Variants in TOR1A observed in about 807,000 individuals in gnomAD.
TOR1A encodes the protein torsin family 1 member A.
A neutral mutation model predicts 31.4 loss-of-function variants in TOR1A; 18 were observed. That is an observed-to-expected ratio of 0.57 (90% CI 0.40 to 0.85). The LOEUF (loss-of-function observed/expected upper bound fraction) is 0.85, where lower values mean the gene tolerates loss of function less well. Among genes scored for constraint, TOR1A ranks in the 40% least tolerant of loss-of-function variants. TOR1A has a pLI of 0.00. For synonymous variants in TOR1A, 168 were observed against 165.9 expected (o/e 1.01, Z -0.10); for missense variants, 375 against 416.4 (o/e 0.90, Z 0.87).
chr9:129,816,924 A>G (rs2031055320), intron 4 of TOR1A, among the ~76,000 whole-genome samples: 1 of 152,178 alleles, frequency 6.6e-6, no homozygotes, highest in South Asian at 2.1e-4. Context: ...TCTGTTTCAA[A>G]TGAGCCCTTC....
At chr9:129,818,279 G>A (rs1018478520) in intron 4 of TOR1A, 28 of 580,924 alleles carry the variant, frequency 4.8e-5, no homozygotes, top group Non-Finnish European at 7.8e-5. Context: ...CTCCAGCCTA[G>A]GTGACAGAGT....
chr9:129,818,665 T>G lies in TOR1A; in HGVS notation c.621-18A>C. 6.2e-7 allele frequency: 1 copy of G among 1,614,196 alleles called. No homozygotes were observed. Among genetic ancestry groups the G allele is most frequent in the Non-Finnish European group, 8.5e-7 (1 of 1,180,032 alleles). The stretch of plus-strand genomic sequence containing the variant: ...CAGCATTGCTGCAAAACAATCCCAG[T>G]GGGTAAGGACAGGGTTTTCTCCTGG... On this transcript the variant is annotated intron_variant, in intron 3 of 4. Transcript: ENST00000351698.
rs755593280 is a variant in TOR1A at position 129,822,694 on chromosome 9, C to G, written c.331G>C (p.Val111Leu). The G allele has an allele frequency of 3.5e-5, 57 of 1,614,056 alleles. No individual in the cohort carries two copies. Among genetic ancestry groups the G allele is most frequent in the Middle Eastern group, 3.3e-4 (2 of 6,084 alleles). The change falls in exon 2 of 5, where the codon GTC becomes CTC. Residue 111 changes from valine to leucine, a missense_variant. Transcript: ENST00000351698. ...HGWTGTGKNF[V>L]SKIIAENIYE... ...ATATTCTCTGCGATGATCTTGCTGA[C>G]GAAATTTTTGCCGGTGCCTGTCCAC...
chr9:129,816,361 C>A (rs1233765285), intron 4 of TOR1A, among the ~76,000 whole-genome samples: 1 of 152,154 alleles, frequency 6.6e-6, no homozygotes, highest in Non-Finnish European at 1.5e-5. Context: ...CCCCTACTGG[C>A]CCCGGGGGGA....
intron 2 of TOR1A, 151 bp downstream of exon 2, chr9:129,822,430 C>A (rs2031206402): frequency 8.7e-7 from 1 of 1,152,632 alleles, no homozygotes; most frequent in Non-Finnish European, 1.3e-6. Flanking sequence ...ATCTCAAACT[C>A]TTAACTTCTA....
At chr9:129,820,153 G>A (rs1321754257) in intron 2 of TOR1A, among the ~76,000 whole-genome samples, 1 of 149,180 alleles carries the variant, frequency 6.7e-6, no homozygotes, top group Non-Finnish European at 1.5e-5. Context: ...TGACAGTCTC[G>A]CTCTGTTACC....
rs764667911 is a variant in TOR1A at position 129,824,120 on chromosome 9, C to T, written c.-35G>A. 1.9e-6 allele frequency: 3 copies of T among 1,540,672 alleles called. No homozygotes were observed. Among genetic ancestry groups the T allele is most frequent in the South Asian group, 2.4e-5 (2 of 84,496 alleles). ...CGCGCCACCCTGCTTGTTCTCGCGC[C>T]GACCGCGAACCGGTGCAGCCGCCAG... is the stretch of plus-strand genomic sequence containing the variant. On this transcript the variant is annotated 5_prime_UTR_variant, in exon 1 of 5. Transcript: ENST00000351698.
intron 4 of TOR1A, chr9:129,818,207 G>T: frequency 2.5e-6 from 1 of 407,414 alleles, no homozygotes; most frequent in Middle Eastern, 8.1e-4. Context: ...GGAGGCTGAG[G>T]CACAAGAATC....
At chr9:129,819,009 T>C in intron 2 of TOR1A, 89 bp from the exon 3 acceptor site, 1 of 1,443,108 alleles carries the variant, frequency 6.9e-7, no homozygotes, top group South Asian at 1.2e-5. Context: ...CAGCTTCACT[T>C]ACAGACCACT....
intron 2 of TOR1A, chr9:129,822,148 C>T (rs1300946682): frequency 6.9e-6 from 2 of 290,782 alleles, no homozygotes; most frequent in Admixed American, 5.0e-5. Context: ...ACCCTGTAAT[C>T]CCAGCTACCC....
Position 129,824,028 on chromosome 9 carries a change from C to T in TOR1A, c.58G>A (p.Ala20Thr), listed in dbSNP as rs753459674. 1 of 1,608,602 alleles carries T rather than the reference C, an allele frequency of 6.2e-7. No homozygotes were observed. Among genetic ancestry groups the T allele is most frequent in the Admixed American group, 1.7e-5 (1 of 59,726 alleles). ...AGTCCCAGGCTGATGGGCTCCACCG[C>T]CTGCACCACGGACGGCGCCAGCAGC... ...LLLLAPSVVQ[A>T]VEPISLGLAL... The change falls in exon 1 of 5, where the codon GCG (alanine) becomes ACG (threonine). Residue 20 changes from alanine (A) to threonine (T), a missense_variant. Transcript: ENST00000351698.
chr9:129,823,711 CCCCA>C, intron 1 of TOR1A, 193 bp downstream of exon 1: 1 of 324,740 alleles, frequency 3.1e-6, no homozygotes, highest in Non-Finnish European at 5.7e-6. Flanking sequence ...CCAGCCCCAG[CCCCA>C]GCCCCAACCC....
Position 129,824,089 on chromosome 9 carries a change from C to CG in TOR1A, c.-5dup. 1 of 1,569,106 alleles carries CG rather than the reference C, an allele frequency of 6.4e-7. No homozygotes were observed. The highest frequency in any genetic ancestry group is 8.6e-7 in the Non-Finnish European group (1 of 1,161,992). On this transcript the variant is annotated 5_prime_UTR_variant, in exon 1 of 5. Transcript: ENST00000351698. ...GCACGGCCCGGCCCAGCTTCATGCC[C>CG]GGACCCGCGCCACCCTGCTTGTTCT...
In TOR1A at chr9:129,818,996, C is replaced by T. The variant is rs574770013; in HGVS notation, c.445-76G>A. The T allele has an allele frequency of 1.7e-5, 26 of 1,532,712 alleles. No homozygotes were observed. The South Asian group carries it at 2.6e-4, about 15-fold the overall frequency. 94.9% of individuals were successfully genotyped at this position (1,532,712 alleles called of 1,614,324 possible). On this transcript the variant is annotated intron_variant, in intron 2 of 4. Transcript: ENST00000351698. Reference sequence around the variant, plus strand: ...AATCAGCTCCTTCTACCACTAAGAACCGCAGCTTCACTTACAGACCACTGT... The same window carrying T: ...AATCAGCTCCTTCTACCACTAAGAATCGCAGCTTCACTTACAGACCACTGT...
intron 2 of TOR1A, among the ~76,000 whole-genome samples, chr9:129,820,821 A>G (rs1242143843): frequency 6.6e-6 from 1 of 151,850 alleles, no homozygotes; most frequent in Admixed American, 6.6e-5. Context: ...CTGGTCTGGA[A>G]CTCTTGAGCT....
Position 129,817,238 on chromosome 9 carries a change from G to A in TOR1A, c.748+1282C>T, listed in dbSNP as rs142387176. Among the ~76,000 whole-genome samples, 389 of 152,294 alleles carry A rather than the reference G, an allele frequency of 2.6e-3. 2 individuals carry two copies. The highest frequency in any genetic ancestry group is 9.0e-3 in the African/African-American group (372 of 41,552). ...AATCCGCAGGCAGGCTGTTTCACAC[G>A]GTGCCCAGTACAAAATAAGGGCCGA... is the stretch of plus-strand genomic sequence containing the variant. On this transcript the variant is annotated intron_variant, in intron 4 of 4. Transcript: ENST00000351698.
At chr9:129,819,312 C>T (rs2031123555) in intron 2 of TOR1A, among the ~76,000 whole-genome samples, 1 of 152,232 alleles carries the variant, frequency 6.6e-6, no homozygotes, top group South Asian at 2.1e-4. Flanking sequence ...CATGAGGATA[C>T]TGATTTTTAT....
chr9:129,816,249 G>A (rs575991425), intron 4 of TOR1A, among the ~76,000 whole-genome samples: 13 of 152,102 alleles, frequency 8.5e-5, no homozygotes, highest in African/African-American at 2.4e-4. Context: ...TCACTCCCCC[G>A]GGTCAGCCCA....
intron 4 of TOR1A, among the ~76,000 whole-genome samples, chr9:129,815,091 C>T (rs927119063): frequency 2.6e-5 from 4 of 152,236 alleles, no homozygotes; most frequent in African/African-American, 7.2e-5. Context: ...GCACACACTG[C>T]GTCGCCCACG....
Sources: gnomAD v4.1 joint callset for allele counts (sites outside exome capture counted in the v4.1 genomes callset) on GRCh38, gnomAD v4.1.1 for gene constraint, MANE v1.5 for transcripts, NCBI Gene and HGNC (gene_info 2026-07-23, HGNC 2026-07-21) for gene names.